The following GREB1L variants were observed in gnomAD, a reference collection of about 807,000 sequenced individuals.
GREB1L encodes the protein GREB1-like protein.
A neutral mutation model predicts 200.8 loss-of-function variants in GREB1L; 17 were observed. The ratio of observed to expected loss-of-function variants is 0.08; its 90% CI spans 0.06 to 0.13. GREB1L has a LOEUF of 0.13. Among genes scored for constraint, GREB1L ranks in the 10% least tolerant of loss-of-function variants. GREB1L has a pLI of 1.00. For synonymous variants in GREB1L, 789 were observed against 893.0 expected (o/e 0.88, Z 2.08); for missense variants, 1,657 against 2,367.7 (o/e 0.70, Z 6.23).
At chr18:21,326,179 T>C (rs1467541882) in intron 1 of GREB1L, among the ~76,000 whole-genome samples, 4 of 152,062 alleles carry the variant, frequency 2.6e-5, no homozygotes, top group Non-Finnish European at 5.9e-5. Flanking sequence ...CATAAATTGA[T>C]ACATGGAAAA....
intron 1 of GREB1L, among the ~76,000 whole-genome samples, chr18:21,325,494 TA>T (rs1429097765): frequency 1.3e-5 from 2 of 152,254 alleles, no homozygotes; most frequent in Middle Eastern, 3.4e-3. Flanking sequence ...TACAGGTATA[TA>T]TTTTTTTTAT....
intron 7 of GREB1L, among the ~76,000 whole-genome samples, chr18:21,418,237 C>A (rs2031830875): frequency 6.6e-6 from 1 of 152,034 alleles, no homozygotes; most frequent in Admixed American, 6.6e-5. Flanking sequence ...TTTACAGTGG[C>A]AAGTGAGGAT....
chr18:21,465,334 GA>G (rs2035223884), intron 15 of GREB1L, among the ~76,000 whole-genome samples: 1 of 152,024 alleles, frequency 6.6e-6, no homozygotes, highest in South Asian at 2.1e-4. Flanking sequence ...GACAATTACT[GA>G]AACTCGAATA....
intron 7 of GREB1L, among the ~76,000 whole-genome samples, chr18:21,424,422 G>A (rs2032401888): frequency 6.6e-6 from 1 of 152,062 alleles, no homozygotes; most frequent in Admixed American, 6.6e-5. Context: ...ACAAAAATTA[G>A]CTGGGCATGG....
intron 1 of GREB1L, among the ~76,000 whole-genome samples, chr18:21,247,554 G>A (rs529347445): frequency 6.6e-6 from 1 of 152,248 alleles, no homozygotes; most frequent in South Asian, 2.1e-4. Context: ...GGAGTTAGGA[G>A]GAGACCTGCT....
chr18:21,296,133 C>T (rs1401985068), intron 1 of GREB1L, among the ~76,000 whole-genome samples: 3 of 152,176 alleles, frequency 2.0e-5, no homozygotes, highest in Non-Finnish European at 2.9e-5. Flanking sequence ...CTCACATATT[C>T]GTTGCAGCAC....
chr18:21,399,376 G>A (rs2041213888), intron 5 of GREB1L, among the ~76,000 whole-genome samples: 1 of 152,106 alleles, frequency 6.6e-6, no homozygotes, highest in Admixed American at 6.6e-5. Context: ...AAAACCTGGT[G>A]CCTGCCACAG....
chr18:21,481,977 GTCATCAGGTACTCATATGT>G (rs2035939504), intron 17 of GREB1L, among the ~76,000 whole-genome samples: 1 of 152,158 alleles, frequency 6.6e-6, no homozygotes, highest in Non-Finnish European at 1.5e-5. Flanking sequence ...AAATTGCTGT[GTCATCAGGTACTCATATGT>G]TCAGCTTTAA....
chr18:21,323,806 G>C (rs1205488576), intron 1 of GREB1L, among the ~76,000 whole-genome samples: 1 of 152,170 alleles, frequency 6.6e-6, no homozygotes, highest in Non-Finnish European at 1.5e-5. Context: ...GGGTGAAGGT[G>C]TGATGAAGAG....
chr18:21,411,457 C>T (rs1439377194), intron 7 of GREB1L, among the ~76,000 whole-genome samples: 7 of 151,798 alleles, frequency 4.6e-5, no homozygotes, highest in South Asian at 2.1e-4. Context: ...CCGCCTGCCT[C>T]GGCCTCCCAA....
intron 17 of GREB1L, among the ~76,000 whole-genome samples, chr18:21,484,756 G>A (rs2036062559): frequency 6.6e-6 from 1 of 152,152 alleles, no homozygotes; most frequent in Non-Finnish European, 1.5e-5. Context: ...CCGGGAGGCA[G>A]AGGTTGCAGT....
chr18:21,395,663 A>T, intron 5 of GREB1L, 102 bp downstream of exon 5: 1 of 807,670 alleles, frequency 1.2e-6, no homozygotes, highest in African/African-American at 1.8e-5. Context: ...CCAGAGGATT[A>T]TTTGGGGATT....
intron 1 of GREB1L, among the ~76,000 whole-genome samples, chr18:21,312,056 C>T (rs2038800730): frequency 6.6e-6 from 1 of 152,050 alleles, no homozygotes; most frequent in African/African-American, 2.4e-5. Context: ...CATTTAGCTC[C>T]CACTTATAAG....
rs146927466 is a variant in GREB1L, at chr18:21,422,119, G to T, written c.833-17402G>T. 7.3e-4 allele frequency among the ~76,000 whole-genome samples: 111 copies of T among 152,278 alleles called. 1 individual carries two copies. The highest frequency in any genetic ancestry group is 2.6e-3 in the African/African-American group (109 of 41,560). On this transcript the variant is annotated intron_variant, in intron 7 of 32. Coordinates refer to ENST00000424526, the MANE Select transcript of GREB1L (RefSeq NM_001142966.3). ...ACAAGTTCCTTCTTTAAATGGATATGAAATCATTAGTAGAGAGAATGAGGC... is the reference window on the plus strand; with the variant it reads ...ACAAGTTCCTTCTTTAAATGGATATTAAATCATTAGTAGAGAGAATGAGGC...
chr18:21,444,526 T>C, intron 11 of GREB1L, 117 bp downstream of exon 11: 2 of 834,708 alleles, frequency 2.4e-6, no homozygotes, highest in Non-Finnish European at 3.7e-6. Flanking sequence ...CTTTCGCTTC[T>C]AATGTTCTTT....
At chr18:21,298,281 C>A (rs2038561998) in intron 1 of GREB1L, among the ~76,000 whole-genome samples, 2 of 152,142 alleles carry the variant, frequency 1.3e-5, no homozygotes, top group African/African-American at 4.8e-5. Context: ...TTCTCCTTTT[C>A]TCTCTTTCTC....
intron 1 of GREB1L, among the ~76,000 whole-genome samples, chr18:21,323,345 G>C (rs141092244): frequency 1.1e-3 from 167 of 152,200 alleles, no homozygotes; most frequent in Non-Finnish European, 1.9e-3. Flanking sequence ...AGACAAAAGA[G>C]TAACTGGAAA....
intron 1 of GREB1L, among the ~76,000 whole-genome samples, chr18:21,268,522 T>TACACACACACACACACAC (rs773384876): frequency 1.5e-5 from 1 of 65,138 alleles, no homozygotes; most frequent in Non-Finnish European, 3.0e-5. Flanking sequence ...TATATATATA[T>TACACACACACACACACAC]ACACACACAC....
intron 7 of GREB1L, among the ~76,000 whole-genome samples, chr18:21,428,332 CTTTTTTTTTTTTT>C (rs59982674): frequency 7.4e-5 from 4 of 54,034 alleles, no homozygotes; most frequent in South Asian, 8.6e-4. Flanking sequence ...GTCTTTTTGT[CTTTTTTTTTTTTT>C]TTTTTTTTTT....
Sources: gnomAD v4.1 joint callset for allele counts (sites outside exome capture counted in the v4.1 genomes callset) on GRCh38, gnomAD v4.1.1 for gene constraint, MANE v1.5 for transcripts, NCBI Gene and HGNC (gene_info 2026-07-23, HGNC 2026-07-21) for gene names.